The following CYRIB variants were observed in gnomAD, a reference collection of about 807,000 sequenced individuals.
CYRIB encodes CYFIP-related Rac1 interactor B.
A neutral mutation model predicts 44.2 loss-of-function variants in CYRIB; 8 were observed. The ratio of observed to expected loss-of-function variants is 0.18; its 90% CI spans 0.11 to 0.33. The LOEUF (loss-of-function observed/expected upper bound fraction) is 0.33. Ranked by LOEUF, CYRIB falls within the 10% of genes least tolerant of loss-of-function variation. CYRIB has a pLI of 1.00. For missense variants in CYRIB, 185 were observed against 382.8 expected (o/e 0.48, Z 4.31); for synonymous variants, 131 against 127.2 (o/e 1.03, Z -0.20).
At chr8:129,867,087 A>G (rs1383807070) in intron 4 of CYRIB, among the ~76,000 whole-genome samples, 1 of 152,180 alleles carries the variant, frequency 6.6e-6, no homozygotes, top group African/African-American at 2.4e-5. Context: ...CCAGGAGTTC[A>G]AGACCAGTCT....
At chr8:129,920,275 C>A (rs908553316) in intron 1 of CYRIB, among the ~76,000 whole-genome samples, 1 of 152,044 alleles carries the variant, frequency 6.6e-6, no homozygotes, top group African/African-American at 2.4e-5. Flanking sequence ...ATGAGCTTTT[C>A]TCCCAAGTGC....
chr8:129,882,328 GTAAA>G (rs2061081382), intron 2 of CYRIB, among the ~76,000 whole-genome samples: 1 of 152,152 alleles, frequency 6.6e-6, no homozygotes, highest in South Asian at 2.1e-4. Context: ...GGTAATTATA[GTAAA>G]TATCTTAAAT....
At chr8:129,981,989 T>C (rs1251019547) in intron 1 of CYRIB, among the ~76,000 whole-genome samples, 1 of 152,246 alleles carries the variant, frequency 6.6e-6, no homozygotes, top group African/African-American at 2.4e-5. Context: ...CATTCCTCTT[T>C]GTGTCCTGGT....
intron 2 of CYRIB, chr8:129,901,640 G>A (rs1227170483): frequency 2.0e-5 from 3 of 152,160 alleles, no homozygotes; most frequent in South Asian, 4.1e-4. Context: ...AGAATTCAGG[G>A]ATCTGTGAAT....
At chr8:129,879,705 A>G in intron 2 of CYRIB, 1 of 415,310 alleles carries the variant, frequency 2.4e-6, no homozygotes, top group Non-Finnish European at 4.3e-6. Context: ...TGTTGCTCTA[A>G]TTCTTCTCAA....
intron 2 of CYRIB, among the ~76,000 whole-genome samples, chr8:129,945,722 G>A (rs1369928696): frequency 6.6e-6 from 1 of 152,092 alleles, no homozygotes; most frequent in Admixed American, 6.6e-5. Context: ...ACAGGCATGA[G>A]CCACCACACC....
At chr8:129,934,368 G>T (rs1330619774) in intron 1 of CYRIB, among the ~76,000 whole-genome samples, 3 of 152,102 alleles carry the variant, frequency 2.0e-5, no homozygotes, top group Admixed American at 1.3e-4. Flanking sequence ...TTAGCCCCAA[G>T]AAGGATCTCA....
At chr8:129,897,797 C>T (rs903760539) in intron 2 of CYRIB, among the ~76,000 whole-genome samples, 15 of 151,940 alleles carry the variant, frequency 9.9e-5, no homozygotes, top group African/African-American at 3.6e-4. Context: ...CAGAGTTTCA[C>T]TCTTGTCACC....
At chr8:129,883,867 C>A (rs2061702351) in intron 2 of CYRIB, among the ~76,000 whole-genome samples, 1 of 152,166 alleles carries the variant, frequency 6.6e-6, no homozygotes, top group Non-Finnish European at 1.5e-5. Flanking sequence ...TAATAATAAG[C>A]ACCACATTTA....
At chr8:129,951,714 A>G (rs1456674829) in intron 2 of CYRIB, among the ~76,000 whole-genome samples, 1 of 152,156 alleles carries the variant, frequency 6.6e-6, no homozygotes, top group Non-Finnish European at 1.5e-5. Flanking sequence ...TCAAAAAAAA[A>G]AAAGAAAGAA....
At chr8:129,881,915 A>G (rs1463909509) in intron 2 of CYRIB, among the ~76,000 whole-genome samples, 1 of 152,242 alleles carries the variant, frequency 6.6e-6, no homozygotes, top group Non-Finnish European at 1.5e-5. Flanking sequence ...TTCCTAAATC[A>G]TCACACCCAA....
intron 2 of CYRIB, among the ~76,000 whole-genome samples, chr8:129,958,602 C>A (rs889151912): frequency 1.3e-5 from 2 of 152,068 alleles, no homozygotes; most frequent in Admixed American, 6.6e-5. Flanking sequence ...GCAGAAAAGT[C>A]AAAAGGGGAG....
chr8:129,967,315 CTTCTTTTCTTTTCTTTCTTCTTT>C (rs2132003286), intron 2 of CYRIB, among the ~76,000 whole-genome samples: 1 of 151,956 alleles, frequency 6.6e-6, no homozygotes, highest in South Asian at 2.1e-4. Context: ...CAAATTAGGG[CTTCTTTTCTTTTCTTTCTTCTTT>C]TTCTTTTCTT....
intron 5 of CYRIB, among the ~76,000 whole-genome samples, chr8:129,859,425 C>T (rs545686815): frequency 2.6e-5 from 4 of 152,078 alleles, no homozygotes; most frequent in Non-Finnish European, 5.9e-5. Flanking sequence ...TAATGTCAGG[C>T]CCTCCACAGG....
intron 1 of CYRIB, among the ~76,000 whole-genome samples, chr8:129,929,462 A>C (rs2089992406): frequency 6.6e-6 from 1 of 152,140 alleles, no homozygotes; most frequent in East Asian, 1.9e-4. Flanking sequence ...TGAATAAACT[A>C]ACTAATAATC....
At chr8:129,940,210 C>T (rs1012271098), upstream of CYRIB, among the ~76,000 whole-genome samples, 2 of 152,166 alleles carry the variant, frequency 1.3e-5, no homozygotes, top group African/African-American at 4.8e-5. Context: ...GGAACTGGAC[C>T]TCGGGACTCG....
At chr8:129,924,293 G>C (rs2085914179) in intron 1 of CYRIB, among the ~76,000 whole-genome samples, 1 of 82,422 alleles carries the variant, frequency 1.2e-5, no homozygotes, top group African/African-American at 5.9e-5. Context: ...AAAAAAACCG[G>C]GGGGGGGGGG....
chr8:130,016,089 C>T (rs900870168), intron 1 of CYRIB, among the ~76,000 whole-genome samples: 11 of 149,886 alleles, frequency 7.3e-5, no homozygotes, highest in Middle Eastern at 3.5e-3. Context: ...GGGCGGCGGC[C>T]CCGCTGCGCG....
intron 1 of CYRIB, among the ~76,000 whole-genome samples, chr8:130,001,521 A>G (rs2096906498): frequency 7.2e-6 from 1 of 138,868 alleles, no homozygotes; most frequent in African/African-American, 2.7e-5. Flanking sequence ...CCTGAAAATA[A>G]TTTCTTTTTT....
Sources: allele counts gnomAD v4.1 joint callset (sites outside exome capture counted in the v4.1 genomes callset), GRCh38; gene constraint gnomAD v4.1.1; transcripts MANE v1.5; gene names NCBI Gene and HGNC (gene_info 2026-07-23, HGNC 2026-07-21).